AKAP13: variants seen among roughly 807,000 people sequenced by gnomAD.
AKAP13 encodes the protein A-kinase anchor protein 13.
In AKAP13, 80 loss-of-function variants were observed where a neutral mutation model predicts 264.5. The ratio of observed to expected loss-of-function variants is 0.30; its 90% CI spans 0.25 to 0.36. The LOEUF (loss-of-function observed/expected upper bound fraction) is 0.36, where lower values mean the gene tolerates loss of function less well. Ranked by LOEUF, AKAP13 falls within the 10% of genes least tolerant of loss-of-function variation. AKAP13 has a pLI of 1.00. For synonymous variants in AKAP13, 1,380 were observed against 1,250.2 expected (o/e 1.10, Z -2.19); for missense variants, 3,712 against 3,435.2 (o/e 1.08, Z -2.01).
Position 85,730,502 on chromosome 15 carries a change from C to T in AKAP13, c.7088-11C>T. ...CCAATCAAATCACAGATCATTTTCT[C>T]CTTCCTGCAGAACAACTTCACCAGA... On this transcript the variant is annotated splice_polypyrimidine_tract_variant and intron_variant, in intron 29 of 36. Transcript: ENST00000394518. 1.2e-6 allele frequency: 2 copies of T among 1,612,134 alleles called. No homozygotes were observed. The highest frequency in any genetic ancestry group is 2.2e-5 in the South Asian group (2 of 90,974).
intron 3 of AKAP13, among the ~76,000 whole-genome samples, chr15:85,533,358 T>C (rs1015197842): frequency 6.6e-6 from 1 of 152,142 alleles, no homozygotes; most frequent in Non-Finnish European, 1.5e-5. Context: ...GATACAAAGT[T>C]TTTTGTTTTT....
At position 85,724,572 on chromosome 15, in the gene AKAP13, G is replaced by A. The variant is rs766779449; in HGVS notation, c.6745+1252G>A. ...TGACGGGAAACCAGCCCAAAGAAAC[G>A]GGAGGGGCCAGGTTGTAATGAGGTG... On this transcript the variant is annotated intron_variant, in intron 26 of 36. Transcript: ENST00000394518. This position sits in a 1 kb window ranked among gnomAD's most constrained non-coding sequence, Gnocchi z 4.2. 7.2e-5 allele frequency among the ~76,000 whole-genome samples: 11 copies of A among 151,782 alleles called. No homozygotes were observed. The highest frequency in any genetic ancestry group is 1.3e-4 in the Non-Finnish European group (9 of 67,980).
intron 2 of AKAP13, among the ~76,000 whole-genome samples, chr15:85,520,947 G>A (rs1040783468): frequency 6.6e-6 from 1 of 152,240 alleles, no homozygotes; most frequent in South Asian, 2.1e-4. Context: ...GCTGGAGAAT[G>A]TATGGACTTG....
intron 1 of AKAP13, among the ~76,000 whole-genome samples, chr15:85,437,115 C>A (rs958379312): frequency 1.2e-4 from 17 of 147,398 alleles, no homozygotes; most frequent in African/African-American, 4.0e-4. Flanking sequence ...CAAATAGACA[C>A]AATAAAAAAT....
chr15:85,738,874 G>T (rs1479012276), intron 33 of AKAP13, among the ~76,000 whole-genome samples: 1 of 150,960 alleles, frequency 6.6e-6, no homozygotes, highest in Non-Finnish European at 1.5e-5. Context: ...AAAAAGTTTG[G>T]TGTTTATATT....
At chr15:85,448,658 C>G (rs1189799114) in intron 1 of AKAP13, among the ~76,000 whole-genome samples, 1 of 152,084 alleles carries the variant, frequency 6.6e-6, no homozygotes, top group African/African-American at 2.4e-5. Context: ...TCACCTTTGT[C>G]AAAGATCAGA....
intron 35 of AKAP13, among the ~76,000 whole-genome samples, chr15:85,741,714 A>ACC (rs2088990945): frequency 2.4e-5 from 2 of 82,966 alleles, no homozygotes; most frequent in Admixed American, 2.5e-4. Flanking sequence ...AAAAAAAAAA[A>ACC]AACAAACAAA....
chr15:85,491,310 G>C (rs2075715295), intron 2 of AKAP13, among the ~76,000 whole-genome samples: 1 of 151,732 alleles, frequency 6.6e-6, no homozygotes, highest in Admixed American at 6.6e-5. Context: ...AGGGATACTG[G>C]GATTTATCCT....
chr15:85,500,291 G>A (rs2076005702), intron 2 of AKAP13, among the ~76,000 whole-genome samples: 1 of 152,162 alleles, frequency 6.6e-6, no homozygotes, highest in South Asian at 2.1e-4. Flanking sequence ...TCCGTGTGGT[G>A]TGTGGGTATT....
chr15:85,669,548 G>A (rs2083801668), intron 13 of AKAP13, among the ~76,000 whole-genome samples, 174 bp from the exon 14 acceptor site: 2 of 152,210 alleles, frequency 1.3e-5, no homozygotes, highest in South Asian at 4.1e-4. Flanking sequence ...CTGAGCAGCT[G>A]TTAAGTAGCA....
intron 1 of AKAP13, among the ~76,000 whole-genome samples, chr15:85,419,767 T>C (rs1418992809): frequency 1.3e-5 from 2 of 152,148 alleles, no homozygotes; most frequent in African/African-American, 4.8e-5. Flanking sequence ...TAATCTATTC[T>C]GTTGATAAAT....
rs2088959266 is a variant in AKAP13 at position 85,741,499 on chromosome 15, A to G, written c.8058+4A>G. On this transcript the variant is annotated splice_donor_region_variant and intron_variant, in intron 35 of 36. Coordinates refer to ENST00000394518, the MANE Select transcript of AKAP13 (RefSeq NM_007200.5). ...GACAGAACGGGACCTGTGTCAGGTA[A>G]TGGGACTCCCTGCCGAGAGCAACCT... 5 of 1,573,578 alleles carry G rather than the reference A, an allele frequency of 3.2e-6. No homozygotes were observed. The highest frequency in any genetic ancestry group is 2.3e-5 in the South Asian group (2 of 86,868).
chr15:85,474,376 A>G (rs1191074079), intron 1 of AKAP13, among the ~76,000 whole-genome samples: 2 of 152,112 alleles, frequency 1.3e-5, no homozygotes, highest in African/African-American at 4.8e-5. Context: ...ACCTGGCATC[A>G]GTGTTGATAA....
At chr15:85,401,349 A>G (rs1298539284) in intron 1 of AKAP13, among the ~76,000 whole-genome samples, 1 of 152,142 alleles carries the variant, frequency 6.6e-6, no homozygotes, top group Non-Finnish European at 1.5e-5. Context: ...TGGTTTTGGT[A>G]AGGAACCCTA....
chr15:85,601,062 A>T (rs1365994296), intron 8 of AKAP13, among the ~76,000 whole-genome samples: 2 of 152,258 alleles, frequency 1.3e-5, no homozygotes, highest in African/African-American at 4.8e-5. Context: ...AATGCTGAGC[A>T]AAATTTATCC....
intron 16 of AKAP13, among the ~76,000 whole-genome samples, chr15:85,686,163 G>GTGTGTGTA (rs1555459314): frequency 7.5e-6 from 1 of 133,972 alleles, no homozygotes; most frequent in African/African-American, 2.9e-5. Context: ...GTGTGTGTGT[G>GTGTGTGTA]TGTATGTGTG....
At chr15:85,388,324 C>G (rs1249150319) in intron 1 of AKAP13, among the ~76,000 whole-genome samples, 1 of 152,036 alleles carries the variant, frequency 6.6e-6, no homozygotes, top group Non-Finnish European at 1.5e-5. Flanking sequence ...GGATTACAGG[C>G]GTGAGCTACA....
intron 8 of AKAP13, among the ~76,000 whole-genome samples, chr15:85,634,733 TC>T (rs1282759958): frequency 2.6e-5 from 4 of 152,150 alleles, no homozygotes; most frequent in Non-Finnish European, 2.9e-5. Flanking sequence ...TAGTCAGTCT[TC>T]TCCTTCATTC....
intron 6 of AKAP13, 54 bp from the exon 7 acceptor site, chr15:85,578,876 G>C: frequency 1.9e-6 from 3 of 1,556,394 alleles, no homozygotes; most frequent in Non-Finnish European, 2.6e-6. Flanking sequence ...AGAGGTGTCA[G>C]TGACATCTTC....
Sources: gnomAD v4.1 joint callset for allele counts (sites outside exome capture counted in the v4.1 genomes callset) on GRCh38, gnomAD v4.1.1 for gene constraint, Gnocchi (gnomAD v3.1) non-coding constraint, MANE v1.5 for transcripts, NCBI Gene and HGNC (gene_info 2026-07-23, HGNC 2026-07-21) for gene names.